The following IGF1R variants were observed in gnomAD, a reference collection of about 807,000 sequenced individuals.
IGF1R encodes insulin-like growth factor 1 receptor.
IGF1R carries 44 observed loss-of-function variants against 144.6 expected under a neutral mutation model. The ratio of observed to expected loss-of-function variants is 0.30; its 90% CI spans 0.24 to 0.39. The LOEUF is 0.39. IGF1R is among the 10% of genes least tolerant of loss of function. The pLI, the probability that IGF1R is intolerant of heterozygous loss-of-function variation, is 1.00. For synonymous variants in IGF1R, 795 were observed against 722.8 expected, an observed-to-expected ratio of 1.10 and a Z score of -1.60; for missense variants, 1,355 against 1,833.7, an observed-to-expected ratio of 0.74 and a Z score of 4.77.
At chr15:98,770,922 C>G (rs1412754457) in intron 2 of IGF1R, among the ~76,000 whole-genome samples, 1 of 152,184 alleles carries the variant, frequency 6.6e-6, no homozygotes, top group African/African-American at 2.4e-5. Flanking sequence ...TCAGAGACTT[C>G]TGATCCCTAA....
Position 98,744,312 on chromosome 15 carries a change from G to T in IGF1R, c.640+36205G>T, listed in dbSNP as rs560434554. ...AGGAGGGTTTTAAGGAGAACAACGT[G>T]CTAAAAGCCACTAAGAAGCCAAGCA... On this transcript the variant is annotated intron_variant, in intron 2 of 20. Transcript: ENST00000650285. Among the ~76,000 whole-genome samples, 144 of 152,124 alleles carry T rather than the reference G, an allele frequency of 9.5e-4. 1 individual carries two copies. Among genetic ancestry groups the T allele is most frequent in the African/African-American group, 2.7e-3 (114 of 41,482 alleles).
Position 98,822,275 on chromosome 15 carries a change from C to T in IGF1R, c.641-69050C>T, listed in dbSNP as rs140369688. 4.6e-3 allele frequency among the ~76,000 whole-genome samples: 707 copies of T among 152,226 alleles called. 6 individuals carry two copies. Among genetic ancestry groups the T allele is most frequent in the African/African-American group, 0.015 (623 of 41,536 alleles). On this transcript the variant is annotated intron_variant, in intron 2 of 20. Transcript: ENST00000650285. Reference sequence around the variant, plus strand: ...CAGTCCTCGCCCTACCTCGAAGGCCCGGGCGAAGTTTTCCTGAGTGTGTAT... The same window carrying T: ...CAGTCCTCGCCCTACCTCGAAGGCCTGGGCGAAGTTTTCCTGAGTGTGTAT...
At chr15:98,676,683 T>G (rs964491458) in intron 1 of IGF1R, among the ~76,000 whole-genome samples, 2 of 152,188 alleles carry the variant, frequency 1.3e-5, no homozygotes, top group African/African-American at 4.8e-5. Flanking sequence ...ATTCATTAGG[T>G]TTTGATTGTT....
chr15:98,910,262 C>T (rs889625918), intron 6 of IGF1R, among the ~76,000 whole-genome samples: 22 of 152,332 alleles, frequency 1.4e-4, no homozygotes, highest in Admixed American at 1.1e-3. Context: ...ATAGTAAAAT[C>T]GGATGTATCC....
intron 2 of IGF1R, among the ~76,000 whole-genome samples, chr15:98,850,988 A>AGT (rs1303786726): frequency 2.0e-5 from 3 of 152,316 alleles, no homozygotes; most frequent in African/African-American, 7.2e-5. Flanking sequence ...GTAGAGTCGG[A>AGT]GTACAGTGTT....
intron 2 of IGF1R, among the ~76,000 whole-genome samples, chr15:98,872,754 C>T (rs2012851643): frequency 6.6e-6 from 1 of 152,074 alleles, no homozygotes; most frequent in African/African-American, 2.4e-5. Flanking sequence ...TGCATGGGCA[C>T]AGCCTGCCAT....
chr15:98,759,721 A>G (rs555813321), intron 2 of IGF1R, among the ~76,000 whole-genome samples: 4 of 152,328 alleles, frequency 2.6e-5, no homozygotes, highest in African/African-American at 9.6e-5. Flanking sequence ...TTTTCAAGGC[A>G]TTTTTAGTTC....
At chr15:98,741,235 CTTTTTTTT>C (rs540942858) in intron 2 of IGF1R, among the ~76,000 whole-genome samples, 85 of 70,326 alleles carry the variant, frequency 1.2e-3, no homozygotes, top group African/African-American at 5.4e-3. Flanking sequence ...TTTTCCTGAG[CTTTTTTTT>C]TTTTTTTTTT....
chr15:98,730,775 A>G (rs1221092141), intron 2 of IGF1R, among the ~76,000 whole-genome samples: 1 of 152,240 alleles, frequency 6.6e-6, no homozygotes, highest in African/African-American at 2.4e-5. Context: ...AATAATTTCA[A>G]GTCAGTTATT....
chr15:98,775,346 C>T (rs183639369), intron 2 of IGF1R, among the ~76,000 whole-genome samples: 6 of 152,276 alleles, frequency 3.9e-5, no homozygotes, highest in South Asian at 2.1e-4. Context: ...GGAGCTTTGA[C>T]GATTCCAAAG....
At chr15:98,912,294 G>A (rs1382689714) in intron 7 of IGF1R, among the ~76,000 whole-genome samples, 2 of 152,208 alleles carry the variant, frequency 1.3e-5, no homozygotes, top group Admixed American at 6.5e-5. Context: ...ATGAGAAATT[G>A]GGTACTTAGG....
chr15:98,953,871 CCAGA>C (rs1353209488), intron 20 of IGF1R, among the ~76,000 whole-genome samples: 6 of 152,144 alleles, frequency 3.9e-5, no homozygotes, highest in Non-Finnish European at 7.3e-5. Context: ...TGAGTGGGAC[CCAGA>C]CAGACAGGAA....
In IGF1R at chr15:98,720,299, C is replaced by A. The variant is rs538565159; in HGVS notation, c.640+12192C>A. ...CATGAAAATTGTGTACACTTAAGCA[C>A]CATTGTCTATTGCAGAAAGCACGAT... On this transcript the variant is annotated intron_variant, in intron 2 of 20. Transcript: ENST00000650285. Among the ~76,000 whole-genome samples the A allele has an allele frequency of 2.0e-5, 3 of 152,292 alleles. No homozygotes were observed. The East Asian group carries it at 5.8e-4, about 29-fold the overall frequency.
At chr15:98,847,304 C>T (rs113597587) in intron 2 of IGF1R, among the ~76,000 whole-genome samples, 2 of 152,236 alleles carry the variant, frequency 1.3e-5, no homozygotes, top group Non-Finnish European at 2.9e-5. Flanking sequence ...TACAGGGGGG[C>T]GTCTTGGTAT....
rs745454926 is a variant in IGF1R at position 98,649,603 on chromosome 15, G to C, written c.22G>C (p.Gly8Arg). MKSGSGGGSPTSLWGLLF... is the reference protein window; with the variant it reads MKSGSGGRSPTSLWGLLF... The stretch of plus-strand genomic sequence containing the variant: ...AGGAATGAAGTCTGGCTCCGGAGGA[G>C]GGTCCCCGACCTCGCTGTGGGGGCT... The change falls in exon 1 of 21, where the codon GGG becomes CGG. Residue 8 changes from glycine (G) to arginine (R), a missense_variant. Gly to Arg is a moderately radical substitution (Grantham distance 125, BLOSUM62 -2). Transcript: ENST00000650285. 11 of 1,606,694 alleles carry C rather than the reference G, an allele frequency of 6.8e-6. No individual in the cohort carries two copies. In the South Asian group the frequency reaches 9.9e-5, roughly 15 times the overall value.
At chr15:98,708,530 T>A (rs971058978) in intron 2 of IGF1R, among the ~76,000 whole-genome samples, 1 of 152,302 alleles carries the variant, frequency 6.6e-6, no homozygotes, top group East Asian at 1.9e-4. Context: ...CGAAGTGATA[T>A]TTTTTGTTCT....
intron 2 of IGF1R, among the ~76,000 whole-genome samples, chr15:98,731,622 T>G (rs62024489): frequency 0.035 from 5,356 of 152,310 alleles, 129 homozygotes; most frequent in Middle Eastern, 0.061. Context: ...ACAAAGCGTA[T>G]CCCATTTCCC....
chr15:98,924,691 C>CTTGTGGAG lies in IGF1R; in HGVS notation c.2782+8_2782+15dup, dbSNP rs2015635040. The CTTGTGGAG allele has an allele frequency of 6.2e-7, 1 of 1,611,300 alleles. No individual in the cohort carries two copies. Among genetic ancestry groups the CTTGTGGAG allele is most frequent in the African/African-American group, 1.4e-5 (1 of 73,736 alleles). The stretch of plus-strand genomic sequence containing the variant: ...TTCTATGTCCAGGCCAAAAGTAAGG[C>CTTGTGGAG]TTGTGGAGGGAGAAGAAACGTGGTA... On this transcript the variant is annotated splice_region_variant and intron_variant, in intron 13 of 20. Transcript: ENST00000650285.
At chr15:98,942,264 G>A (rs1344928175) in intron 18 of IGF1R, among the ~76,000 whole-genome samples, 1 of 152,148 alleles carries the variant, frequency 6.6e-6, no homozygotes, top group Non-Finnish European at 1.5e-5. Flanking sequence ...ATGTGTAAAT[G>A]ACCAGTGGTC....
Sources: gnomAD v4.1 joint callset for allele counts (sites outside exome capture counted in the v4.1 genomes callset) on GRCh38, gnomAD v4.1.1 for gene constraint, MANE v1.5 for transcripts, NCBI Gene and HGNC (gene_info 2026-07-23, HGNC 2026-07-21) for gene names.